Variants in SRGAP2 observed in about 807,000 individuals in gnomAD.
The protein encoded by SRGAP2 is SLIT-ROBO Rho GTPase activating protein 2.
In SRGAP2, 15 loss-of-function variants were observed where a neutral mutation model predicts 57.2. The ratio of observed to expected loss-of-function variants is 0.26; its 90% confidence interval spans 0.18 to 0.40. The LOEUF is 0.40. Among genes scored for constraint, SRGAP2 ranks in the 10% least tolerant of loss-of-function variants. The pLI, the probability that SRGAP2 is intolerant of heterozygous loss-of-function variation, is 1.00. For missense variants in SRGAP2, 520 were observed against 669.6 expected, an observed-to-expected ratio of 0.78 and a Z score of 2.47; for synonymous variants, 249 against 248.0, an observed-to-expected ratio of 1.00 and a Z score of -0.04.
In SRGAP2 at chr1:206,362,774, C is replaced by G. The variant is rs563198057; in HGVS notation, c.423+19766C>G. 8.4e-3 allele frequency among the ~76,000 whole-genome samples: 1,264 copies of G among 150,238 alleles called. 14 individuals are homozygous for G. The highest frequency in any genetic ancestry group is 0.029 in the African/African-American group (1,198 of 40,764). Reference sequence around the variant, plus strand: ...TGAAAGTGCTTGGCAAACCATTGGGCTATTATGATAGTTCTAAGTGGAAAC... The same window carrying G: ...TGAAAGTGCTTGGCAAACCATTGGGGTATTATGATAGTTCTAAGTGGAAAC... On this transcript the variant is annotated intron_variant, in intron 4 of 22. Coordinates refer to ENST00000573034, the MANE Select transcript of SRGAP2 (RefSeq NM_015326.5).
At chr1:206,326,608 G>C (rs1553330045) in intron 3 of SRGAP2, among the ~76,000 whole-genome samples, 1 of 152,246 alleles carries the variant, frequency 6.6e-6, no homozygotes, top group Non-Finnish European at 1.5e-5. Flanking sequence ...CTGGATTCTT[G>C]CCCTGCTCCA....
intron 2 of SRGAP2, among the ~76,000 whole-genome samples, chr1:206,227,325 TAGAG>T (rs1425463916): frequency 6.6e-6 from 1 of 152,236 alleles, no homozygotes; most frequent in Non-Finnish European, 1.5e-5. Context: ...TTTATTCGGT[TAGAG>T]AGATTTTTTG....
intron 5 of SRGAP2, among the ~76,000 whole-genome samples, chr1:206,392,111 G>A (rs1174766364): frequency 2.0e-5 from 3 of 152,336 alleles, no homozygotes; most frequent in East Asian, 3.9e-4. Context: ...ATGATAACTG[G>A]CATTGCAGTT....
At chr1:206,240,715 G>A (rs1276967466) in intron 2 of SRGAP2, among the ~76,000 whole-genome samples, 1 of 152,162 alleles carries the variant, frequency 6.6e-6, no homozygotes. Flanking sequence ...TTTCAGAAGT[G>A]AGGAAACTAA....
chr1:206,458,493 G>A, intron 21 of SRGAP2, 130 bp from the exon 22 acceptor site: 1 of 713,194 alleles, frequency 1.4e-6, no homozygotes, highest in South Asian at 1.5e-5. Flanking sequence ...TGAAGCCGAG[G>A]AGAGAACGAG....
At chr1:206,341,724 G>A (rs1167338877) in intron 3 of SRGAP2, among the ~76,000 whole-genome samples, 13 of 152,196 alleles carry the variant, frequency 8.5e-5, no homozygotes, top group Non-Finnish European at 1.8e-4. Context: ...AGGGCTGGGC[G>A]CGGTGGCTCA....
chr1:206,448,874 T>C (rs1271144817), intron 18 of SRGAP2, among the ~76,000 whole-genome samples: 1 of 152,146 alleles, frequency 6.6e-6, no homozygotes, highest in African/African-American at 2.4e-5. Flanking sequence ...GGAATCTCCG[T>C]TTATATTCTT....
intron 3 of SRGAP2, among the ~76,000 whole-genome samples, chr1:206,323,104 A>G (rs1386754955): frequency 2.0e-5 from 3 of 151,084 alleles, no homozygotes; most frequent in Non-Finnish European, 4.4e-5. Context: ...ACCACTTGCA[A>G]TTGCAATCAA....
At chr1:206,437,317 C>T (rs1023169858) in intron 15 of SRGAP2, among the ~76,000 whole-genome samples, 1 of 152,176 alleles carries the variant, frequency 6.6e-6, no homozygotes, top group African/African-American at 2.4e-5. Flanking sequence ...GATATCTGGG[C>T]GGTTTATGGC....
Position 206,463,359 on chromosome 1 carries a change from G to T in SRGAP2, c.*1939G>T, listed in dbSNP as rs1664377702. The T allele has an allele frequency of 6.6e-6, 1 of 152,460 alleles. No homozygotes were observed. Among genetic ancestry groups the T allele is most frequent in the South Asian group, 2.1e-4 (1 of 4,802 alleles). The allele number at this position is 152,460 out of a possible 1,614,324, so 9.4% of individuals were successfully genotyped here. ...CTGACCTGTTCTTGCCTGTCACCTG[G>T]GCCTACACAGGTCCCAAGCCAACGG... On this transcript the variant is annotated 3_prime_UTR_variant, in exon 23 of 23. Coordinates refer to ENST00000573034, the MANE Select transcript of SRGAP2 (RefSeq NM_015326.5).
At chr1:206,306,636 G>A (rs1553617261) in intron 3 of SRGAP2, among the ~76,000 whole-genome samples, 4 of 152,020 alleles carry the variant, frequency 2.6e-5, no homozygotes, top group South Asian at 2.1e-4. Flanking sequence ...TGGTAGAGCC[G>A]AGTGGCCTGT....
intron 2 of SRGAP2, among the ~76,000 whole-genome samples, chr1:206,229,902 TGA>T (rs200955091): frequency 2.7e-5 from 4 of 145,782 alleles, no homozygotes; most frequent in Non-Finnish European, 6.0e-5. Context: ...GGTTATACGT[TGA>T]GAGAGAGATA....
intron 3 of SRGAP2, among the ~76,000 whole-genome samples, chr1:206,318,657 T>G (rs1424779059): frequency 9.9e-5 from 15 of 152,270 alleles, no homozygotes; most frequent in African/African-American, 3.4e-4. Context: ...CTGCTTCTGG[T>G]GAGGCCTCAG....
chr1:206,290,929 C>G (rs1671284244), intron 2 of SRGAP2, among the ~76,000 whole-genome samples: 1 of 152,086 alleles, frequency 6.6e-6, no homozygotes, highest in African/African-American at 2.4e-5. Flanking sequence ...GATAGCATCT[C>G]TAGATGATGG....
chr1:206,464,412 A>G lies in SRGAP2; in HGVS notation c.*2992A>G, dbSNP rs1416825973. On this transcript the variant is annotated 3_prime_UTR_variant, in exon 23 of 23. Coordinates refer to ENST00000573034, the MANE Select transcript of SRGAP2 (RefSeq NM_015326.5). ...GGGAAAATCCAAAGCACAACTTCAA[A>G]ATAAAATACATTTTTAGGTTTCGAT... 6.6e-6 allele frequency: 1 copy of G among 152,638 alleles called. No homozygotes were observed. Among genetic ancestry groups the G allele is most frequent in the Admixed American group, 6.5e-5 (1 of 15,280 alleles). The allele number at this position is 152,638 out of a possible 1,614,324, so 9.5% of individuals were successfully genotyped here. A position where few individuals can be genotyped will look rare whatever the true frequency, so the allele number is the denominator to read the frequency against.
intron 2 of SRGAP2, among the ~76,000 whole-genome samples, chr1:206,273,392 G>A (rs1412006564): frequency 1.4e-5 from 2 of 146,870 alleles, no homozygotes; most frequent in Non-Finnish European, 3.0e-5. Context: ...CAGGGGAAGA[G>A]GATATCTGGG....
chr1:206,303,533 G>C (rs1449711561), intron 3 of SRGAP2, 60 bp downstream of exon 3: 2 of 890,060 alleles, frequency 2.2e-6, no homozygotes, highest in South Asian at 1.9e-5. Flanking sequence ...AGGGTGGAGG[G>C]GGGCAGGGTA....
intron 2 of SRGAP2, among the ~76,000 whole-genome samples, chr1:206,285,747 A>C (rs1449074047): frequency 6.6e-6 from 1 of 151,482 alleles, no homozygotes; most frequent in African/African-American, 2.4e-5. Context: ...GGCTCAGTGC[A>C]ATCTTTGCCT....
At chr1:206,278,663 A>T (rs1409524494) in intron 2 of SRGAP2, among the ~76,000 whole-genome samples, 1 of 147,960 alleles carries the variant, frequency 6.8e-6, no homozygotes, top group African/African-American at 2.6e-5. Flanking sequence ...TGCCTGGCCC[A>T]GGTTGCATTT....
Sources: allele counts gnomAD v4.1 joint callset (sites outside exome capture counted in the v4.1 genomes callset), GRCh38; gene constraint gnomAD v4.1.1; transcripts MANE v1.5; gene names NCBI Gene and HGNC (gene_info 2026-07-23, HGNC 2026-07-21).